Variants in TMEM131 observed in about 807,000 individuals in gnomAD.
The protein encoded by TMEM131 is 2610524E03Rik.
In TMEM131, 66 loss-of-function variants were observed where a neutral mutation model predicts 211.6. The observed-to-expected ratio is 0.31, with a 90% CI of 0.26 to 0.38. The LOEUF (loss-of-function observed/expected upper bound fraction) is 0.38, where lower values mean the gene tolerates loss of function less well. Ranked by LOEUF, TMEM131 falls within the 10% of genes least tolerant of loss-of-function variation. The probability of loss-of-function intolerance (pLI) is 1.00; values close to 1 mark genes in which losing one functional copy is unlikely to be tolerated. For synonymous variants in TMEM131, 844 were observed against 841.3 expected (o/e 1.00, Z -0.06); for missense variants, 2,036 against 2,299.3 (o/e 0.89, Z 2.34).
At chr2:97,949,678 G>A (rs1678207696) in intron 1 of TMEM131, among the ~76,000 whole-genome samples, 1 of 151,782 alleles carries the variant, frequency 6.6e-6, no homozygotes, top group South Asian at 2.1e-4. Flanking sequence ...AAATTAGCTG[G>A]GCGTGGTGGC....
intron 5 of TMEM131, among the ~76,000 whole-genome samples, chr2:97,846,584 C>CTGCAGCCCATGGGCTGCA (rs377724730): frequency 7.2e-5 from 11 of 152,264 alleles, no homozygotes; most frequent in East Asian, 3.9e-4. Flanking sequence ...CTTGTCCATC[C>CTGCAGCCCATGGGCTGCA]TGCAGCCCAT....
chr2:97,961,767 A>C (rs1184058727), intron 1 of TMEM131, among the ~76,000 whole-genome samples: 4 of 152,250 alleles, frequency 2.6e-5, no homozygotes, highest in Non-Finnish European at 5.9e-5. Context: ...GTGCCAAAGC[A>C]ACTCAATGGA....
At chr2:97,927,913 A>G (rs1246426213) in intron 1 of TMEM131, among the ~76,000 whole-genome samples, 4 of 152,184 alleles carry the variant, frequency 2.6e-5, no homozygotes, top group Admixed American at 2.0e-4. Context: ...TGTAGTGATG[A>G]TATGACCTGG....
At chr2:97,930,442 A>AAAAGT (rs1213292748) in intron 1 of TMEM131, among the ~76,000 whole-genome samples, 1 of 151,832 alleles carries the variant, frequency 6.6e-6, no homozygotes, top group Non-Finnish European at 1.5e-5. Flanking sequence ...TCATATTTTA[A>AAAAGT]AAAGTATGAG....
At chr2:97,861,354 C>T (rs1335003928) in intron 4 of TMEM131, among the ~76,000 whole-genome samples, 2 of 151,644 alleles carry the variant, frequency 1.3e-5, no homozygotes, top group East Asian at 4.0e-4. Context: ...CAGCTCACAG[C>T]TCTGAAAGAG....
At chr2:97,889,205 T>C (rs896584130) in intron 3 of TMEM131, among the ~76,000 whole-genome samples, 1 of 152,214 alleles carries the variant, frequency 6.6e-6, no homozygotes, top group Non-Finnish European at 1.5e-5. Flanking sequence ...TTCTTTTGTG[T>C]AGCTTAAGAA....
At chr2:97,926,971 T>C (rs748239891) in intron 2 of TMEM131, among the ~76,000 whole-genome samples, 2 of 152,198 alleles carry the variant, frequency 1.3e-5, no homozygotes, top group Admixed American at 6.5e-5. Context: ...TTTGTTCCCA[T>C]AGGTTCTCCA....
chr2:97,773,973 G>T (rs1280397568), intron 32 of TMEM131, among the ~76,000 whole-genome samples: 2 of 152,210 alleles, frequency 1.3e-5, no homozygotes, highest in South Asian at 2.1e-4. Context: ...CAGCAAAGGG[G>T]ACAGTGATGG....
intron 31 of TMEM131, 34 bp from the exon 32 acceptor site, chr2:97,776,052 T>C (rs1247139004): frequency 6.3e-7 from 1 of 1,583,726 alleles, no homozygotes; most frequent in Admixed American, 1.9e-5. Context: ...AGAACTCTTG[T>C]TTTTGTTTCT....
At chr2:97,770,268 T>C (rs6738389) in intron 33 of TMEM131, among the ~76,000 whole-genome samples, 47,166 of 152,102 alleles carry the variant, frequency 0.31, 8,613 homozygotes, top group Non-Finnish European at 0.39. Flanking sequence ...GATTAAATGA[T>C]TGATGAACTA....
chr2:97,880,379 A>T (rs1489928510), intron 4 of TMEM131, among the ~76,000 whole-genome samples: 2 of 152,162 alleles, frequency 1.3e-5, no homozygotes, highest in African/African-American at 4.8e-5. Flanking sequence ...GATGTGAAAA[A>T]CATTTCCCTG....
intron 4 of TMEM131, among the ~76,000 whole-genome samples, chr2:97,876,236 T>A (rs572834655): frequency 5.9e-5 from 9 of 152,164 alleles, no homozygotes; most frequent in African/African-American, 2.2e-4. Flanking sequence ...ACCGAAAAAG[T>A]CCAGGACCAG....
intron 11 of TMEM131, among the ~76,000 whole-genome samples, chr2:97,828,147 G>A (rs1329275217): frequency 6.6e-6 from 1 of 152,140 alleles, no homozygotes; most frequent in African/African-American, 2.4e-5. Flanking sequence ...GTATGTAACA[G>A]CTGACCAACA....
chr2:97,831,664 C>CTTTTTTTTTTTTTTTTTTT (rs11378393), intron 11 of TMEM131, among the ~76,000 whole-genome samples: 1 of 80,614 alleles, frequency 1.2e-5, no homozygotes, highest in Non-Finnish European at 2.2e-5. Context: ...TCACATACCT[C>CTTTTTTTTTTTTTTTTTTT]TTTTTTTTTT....
intron 17 of TMEM131, 66 bp from the exon 18 acceptor site, chr2:97,811,298 A>G: frequency 2.5e-6 from 3 of 1,196,674 alleles, no homozygotes; most frequent in Non-Finnish European, 3.7e-6. Context: ...TAAAATGGAC[A>G]TGAAGGGTGT....
rs1415706747 is a variant in TMEM131 at position 97,756,924 on chromosome 2, G to GC, written c.*174dup. On this transcript the variant is annotated 3_prime_UTR_variant, in exon 41 of 41. Coordinates refer to ENST00000186436, the MANE Select transcript of TMEM131 (RefSeq NM_015348.2). ...CAGCAAATCTCATGTTATCATAATT[G>GC]CAAGAAAGATCTGAAAGAAGCGAGT... is the stretch of plus-strand genomic sequence containing the variant. 1.0e-5 allele frequency: 7 copies of GC among 668,800 alleles called. No individual in the cohort carries two copies. Among genetic ancestry groups the GC allele is most frequent in the Non-Finnish European group, 1.6e-5 (7 of 433,354 alleles). The allele number at this position is 668,800 out of a possible 1,614,324, so 41.4% of individuals were successfully genotyped here. A position where few individuals can be genotyped will look rare whatever the true frequency, so the allele number is the denominator to read the frequency against.
At chr2:97,815,549 A>G (rs1040237013) in intron 12 of TMEM131, among the ~76,000 whole-genome samples, 11 of 152,214 alleles carry the variant, frequency 7.2e-5, no homozygotes, top group African/African-American at 2.7e-4. Flanking sequence ...ATGGTTCAGG[A>G]GGTAAAACAC....
At chr2:97,920,403 C>T (rs1676691219) in intron 2 of TMEM131, among the ~76,000 whole-genome samples, 1 of 152,086 alleles carries the variant, frequency 6.6e-6, no homozygotes, top group African/African-American at 2.4e-5. Context: ...TACTAAATAG[C>T]ACTGTATTAA....
At chr2:97,956,437 T>C (rs891094189) in intron 1 of TMEM131, among the ~76,000 whole-genome samples, 4 of 152,324 alleles carry the variant, frequency 2.6e-5, no homozygotes, top group African/African-American at 4.8e-5. Context: ...CTTTAACTCA[T>C]GTGGTATTGA....
Sources: gnomAD v4.1 joint callset for allele counts (sites outside exome capture counted in the v4.1 genomes callset) on GRCh38, gnomAD v4.1.1 for gene constraint, MANE v1.5 for transcripts, NCBI Gene and HGNC (gene_info 2026-07-23, HGNC 2026-07-21) for gene names.